ABCC5: variants seen among roughly 807,000 people sequenced by gnomAD.
The protein encoded by ABCC5 is ATP-binding cassette sub-family C member 5.
A neutral mutation model predicts 160.9 loss-of-function variants in ABCC5; 61 were observed. The observed-to-expected ratio is 0.38, with a 90% CI of 0.31 to 0.47. ABCC5 has a LOEUF of 0.47. Among genes scored for constraint, ABCC5 ranks in the 20% least tolerant of loss-of-function variants. ABCC5 has a pLI of 0.99. For synonymous variants in ABCC5, 666 were observed against 700.6 expected (o/e 0.95, Z 0.78); for missense variants, 1,308 against 1,813.3 (o/e 0.72, Z 5.06).
Position 183,949,524 on chromosome 3 carries a change from A to G in ABCC5, c.3227+229T>C, listed in dbSNP as rs771909517. 1.3e-5 allele frequency among the ~76,000 whole-genome samples: 2 copies of G among 152,268 alleles called. No homozygotes were observed. Among genetic ancestry groups the G allele is most frequent in the Admixed American group, 6.5e-5 (1 of 15,288 alleles). On this transcript the variant is annotated intron_variant, in intron 22 of 29. Coordinates refer to ENST00000334444, the MANE Select transcript of ABCC5 (RefSeq NM_005688.4). The surrounding 1 kb of genome is among the most constrained non-coding windows in gnomAD (Gnocchi z 4.2). ...CTCCTGAGTAGCTGTGACTATAGGC[A>G]CGTGATGCCGCATGCGGCCCAAATC...
chr3:183,992,291 G>A (rs1406118927), intron 2 of ABCC5, among the ~76,000 whole-genome samples: 2 of 152,186 alleles, frequency 1.3e-5, no homozygotes, highest in South Asian at 2.1e-4. Context: ...TGGGAGGATT[G>A]CTTGAGCTCA....
rs1164379919 is a variant in ABCC5, at chr3:183,981,835, A to G, written c.1039T>C (p.Cys347Arg). Reference protein sequence around the residue: ...SRLTAYFRRKCVAATDERVQK... With the variant: ...SRLTAYFRRKRVAATDERVQK... ...ACACGTTCATCCGTGGCGGCCACGC[A>G]TTTTCTCCTGAAATATGCTGTGAGC... is the stretch of plus-strand genomic sequence containing the variant. The change falls in exon 8 of 30, where the codon TGC (cysteine) becomes CGC (arginine). Residue 347 changes from cysteine (C) to arginine (R), a missense_variant. By Grantham distance (180) the Cys-to-Arg change is radical. Transcript: ENST00000334444. 5 of 1,611,216 alleles carry G rather than the reference A, an allele frequency of 3.1e-6. No homozygotes were observed. The highest frequency in any genetic ancestry group is 1.7e-6 in the Non-Finnish European group (2 of 1,179,280).
At chr3:183,945,771 T>A (rs995029548) in intron 24 of ABCC5, 79 bp downstream of exon 24, 1 of 1,127,226 alleles carries the variant, frequency 8.9e-7, no homozygotes, top group Non-Finnish European at 1.4e-6. Flanking sequence ...CTCCTCCTTG[T>A]ACACCCAGCT....
chr3:183,933,783 T>C (rs1010489595), intron 26 of ABCC5, among the ~76,000 whole-genome samples: 2 of 152,154 alleles, frequency 1.3e-5, no homozygotes, highest in Admixed American at 1.3e-4. Flanking sequence ...CTTTCTGAGT[T>C]TTGTTGGTTT....
chr3:183,940,086 C>T (rs1158503682), intron 25 of ABCC5, among the ~76,000 whole-genome samples: 1 of 152,164 alleles, frequency 6.6e-6, no homozygotes, highest in Non-Finnish European at 1.5e-5. Flanking sequence ...GCCCAGGAAA[C>T]TTGGAAAAAG....
At chr3:183,925,836 CT>C in intron 28 of ABCC5, 117 bp from the exon 29 acceptor site, 1 of 898,508 alleles carries the variant, frequency 1.1e-6, no homozygotes, top group Non-Finnish European at 1.5e-6. Flanking sequence ...GTTTTCTTTT[CT>C]TTCTTTTTTT....
chr3:183,930,724 A>C (rs1480630830), intron 26 of ABCC5, among the ~76,000 whole-genome samples: 1 of 152,224 alleles, frequency 6.6e-6, no homozygotes, highest in African/African-American at 2.4e-5. Context: ...GAGGCAAGGA[A>C]GCGTCCTTCC....
chr3:183,958,833 C>T (rs549265315), intron 17 of ABCC5, among the ~76,000 whole-genome samples: 30 of 152,008 alleles, frequency 2.0e-4, no homozygotes, highest in African/African-American at 6.0e-4. Context: ...CTCCTGGGCC[C>T]GAGCAATCTT....
chr3:183,930,939 T>G (rs944034485), intron 26 of ABCC5, among the ~76,000 whole-genome samples: 1 of 152,164 alleles, frequency 6.6e-6, no homozygotes, highest in Non-Finnish European at 1.5e-5. Context: ...CCCCCTTTCA[T>G]CCACAAGGAT....
chr3:183,948,399 C>A (rs1715045558), intron 22 of ABCC5, among the ~76,000 whole-genome samples: 1 of 152,146 alleles, frequency 6.6e-6, no homozygotes, highest in African/African-American at 2.4e-5. Flanking sequence ...GGTATATACA[C>A]ATGTACGTAT....
At chr3:183,957,298 G>A (rs796417191) in intron 17 of ABCC5, among the ~76,000 whole-genome samples, 4 of 85,172 alleles carry the variant, frequency 4.7e-5, no homozygotes, top group South Asian at 3.8e-4. Flanking sequence ...AGTTACATGC[G>A]GATCCGTGTG....
Position 183,988,845 on chromosome 3 carries a change from A to G in ABCC5, c.288-118T>C, listed in dbSNP as rs925782900. 1 of 1,167,446 alleles carries G rather than the reference A, an allele frequency of 8.6e-7. No homozygotes were observed. Among genetic ancestry groups the G allele is most frequent in the African/African-American group, 1.6e-5 (1 of 64,144 alleles). 72.3% of individuals were successfully genotyped at this position (1,167,446 alleles called of 1,614,324 possible). On this transcript the variant is annotated intron_variant, in intron 3 of 29. Coordinates refer to ENST00000334444, the MANE Select transcript of ABCC5 (RefSeq NM_005688.4). This position sits in a 1 kb window ranked among gnomAD's most constrained non-coding sequence, Gnocchi z 4.4. ...AGCTAAAGACCAGTCTCCCCAGATGATCTAATCTTAGCCTGAATGTTCTAA... is the reference window on the plus strand; with the variant it reads ...AGCTAAAGACCAGTCTCCCCAGATGGTCTAATCTTAGCCTGAATGTTCTAA...
At chr3:184,009,570 A>G (rs1036481242) in intron 2 of ABCC5, among the ~76,000 whole-genome samples, 3 of 152,246 alleles carry the variant, frequency 2.0e-5, no homozygotes, top group African/African-American at 4.8e-5. Flanking sequence ...GCAAACTTGT[A>G]ACATGAAGAC....
In ABCC5 at chr3:183,979,344, C is replaced by CAA. The variant is rs574015878; in HGVS notation, c.1148-695_1148-694dup. On this transcript the variant is annotated intron_variant, in intron 8 of 29. Coordinates refer to ENST00000334444, the MANE Select transcript of ABCC5 (RefSeq NM_005688.4). ...TGGGTGACAAAGCCAGGCCTTATCTCAAAAAAAAAAAAAAAAGGGGCAGTG... is the reference window on the plus strand; with the variant it reads ...TGGGTGACAAAGCCAGGCCTTATCTCAAAAAAAAAAAAAAAAAAGGGGCAGTG... 3.0e-3 allele frequency among the ~76,000 whole-genome samples: 319 copies of CAA among 107,696 alleles called. 1 individual carries two copies. Among genetic ancestry groups the CAA allele is most frequent in the African/African-American group, 8.4e-3 (237 of 28,300 alleles). The allele number at this position is 107,696 out of a possible 152,430, so 70.7% of individuals were successfully genotyped here.
intron 5 of ABCC5, 107 bp from the exon 6 acceptor site, chr3:183,983,114 G>T: frequency 2.8e-6 from 3 of 1,079,144 alleles, no homozygotes; most frequent in Non-Finnish European, 4.1e-6. Flanking sequence ...TCAGGGACCA[G>T]TGCGCAAGCA....
intron 26 of ABCC5, among the ~76,000 whole-genome samples, chr3:183,931,304 A>C (rs1160427862): frequency 6.6e-6 from 1 of 151,920 alleles, no homozygotes; most frequent in East Asian, 1.9e-4. Context: ...TTCTATGGGC[A>C]AATACGACAA....
intron 14 of ABCC5, among the ~76,000 whole-genome samples, chr3:183,964,826 C>T (rs1021087327): frequency 6.6e-6 from 1 of 152,188 alleles, no homozygotes; most frequent in Non-Finnish European, 1.5e-5. Flanking sequence ...GAAAAGGGCT[C>T]TCTACAGACT....
intron 18 of ABCC5, among the ~76,000 whole-genome samples, chr3:183,952,761 T>C (rs1405783864): frequency 1.3e-5 from 2 of 152,198 alleles, no homozygotes; most frequent in Non-Finnish European, 2.9e-5. Context: ...TGTGGAACTG[T>C]GAGTCAATTA....
chr3:183,960,229 G>A (rs1716595794), intron 16 of ABCC5, among the ~76,000 whole-genome samples: 1 of 152,022 alleles, frequency 6.6e-6, no homozygotes, highest in African/African-American at 2.4e-5. Context: ...TTTCCACCTG[G>A]TTCTGTAGGA....
Sources: gnomAD v4.1 joint callset for allele counts (sites outside exome capture counted in the v4.1 genomes callset) on GRCh38, gnomAD v4.1.1 for gene constraint, Gnocchi (gnomAD v3.1) non-coding constraint, MANE v1.5 for transcripts, NCBI Gene and HGNC (gene_info 2026-07-23, HGNC 2026-07-21) for gene names.